ANKS1B: variants seen among roughly 807,000 people sequenced by gnomAD.
ANKS1B encodes ankyrin repeat and sterile alpha motif domain-containing protein 1B.
A neutral mutation model predicts 148.3 loss-of-function variants in ANKS1B; 36 were observed. That is an observed-to-expected ratio of 0.24 (90% CI 0.19 to 0.32). ANKS1B has a LOEUF of 0.32. Ranked by LOEUF, ANKS1B falls within the 10% of genes least tolerant of loss-of-function variation. The pLI, the probability that ANKS1B is intolerant of heterozygous loss-of-function variation, is 1.00. For synonymous variants in ANKS1B, 542 were observed against 560.8 expected (o/e 0.97, Z 0.47); for missense variants, 1,157 against 1,542.6 (o/e 0.75, Z 4.19).
intron 11 of ANKS1B, among the ~76,000 whole-genome samples, chr12:99,424,326 C>T (rs1015384203): frequency 1.5e-4 from 23 of 151,762 alleles, no homozygotes; most frequent in African/African-American, 3.9e-4. Context: ...CAGGCAGAAG[C>T]GTATGTTTTG....
intron 9 of ANKS1B, among the ~76,000 whole-genome samples, chr12:99,575,517 G>A (rs1344141074): frequency 6.6e-6 from 1 of 152,068 alleles, no homozygotes; most frequent in African/African-American, 2.4e-5. Flanking sequence ...CCACATGGCT[G>A]GGGAGGCCTC....
At chr12:99,885,394 G>A (rs1029753573) in intron 1 of ANKS1B, among the ~76,000 whole-genome samples, 5 of 147,240 alleles carry the variant, frequency 3.4e-5, no homozygotes, top group African/African-American at 7.5e-5. Context: ...TCTGCCTCCC[G>A]GGTTCCTGCC....
chr12:99,865,357 G>A (rs1206785881), intron 1 of ANKS1B, among the ~76,000 whole-genome samples: 7 of 152,108 alleles, frequency 4.6e-5, no homozygotes, highest in East Asian at 1.9e-4. Flanking sequence ...CCCTGGACTC[G>A]TAACTGCCCG....
chr12:99,237,209 G>A (rs2088159040), intron 14 of ANKS1B, among the ~76,000 whole-genome samples: 1 of 151,908 alleles, frequency 6.6e-6, no homozygotes, highest in Admixed American at 6.6e-5. Flanking sequence ...TTTTTGTTTG[G>A]GGTGTGTTCC....
chr12:98,897,721 T>C (rs1256488574), intron 17 of ANKS1B, among the ~76,000 whole-genome samples: 2 of 152,224 alleles, frequency 1.3e-5, no homozygotes, highest in East Asian at 3.8e-4. Flanking sequence ...ACTGGGTATC[T>C]ACTCAAAGGA....
chr12:99,422,356 C>T (rs2095114736), intron 11 of ANKS1B, among the ~76,000 whole-genome samples: 1 of 152,162 alleles, frequency 6.6e-6, no homozygotes, highest in African/African-American at 2.4e-5. Context: ...TCAAGCACCT[C>T]ATATTTTAGT....
intron 8 of ANKS1B, among the ~76,000 whole-genome samples, chr12:99,703,753 A>G (rs1306101019): frequency 1.3e-5 from 2 of 152,096 alleles, no homozygotes; most frequent in African/African-American, 2.4e-5. Context: ...ATATCTCATC[A>G]CTATCCTATA....
At chr12:99,310,068 C>G (rs1427772731) in intron 12 of ANKS1B, among the ~76,000 whole-genome samples, 1 of 152,048 alleles carries the variant, frequency 6.6e-6, no homozygotes, top group East Asian at 1.9e-4. Flanking sequence ...CTTTTGGCCA[C>G]AGAAATCTGT....
At chr12:99,183,974 T>C (rs1454916169) in intron 14 of ANKS1B, among the ~76,000 whole-genome samples, 1 of 152,172 alleles carries the variant, frequency 6.6e-6, no homozygotes, top group Non-Finnish European at 1.5e-5. Flanking sequence ...TTCATATAAA[T>C]CAAATATACA....
intron 22 of ANKS1B, among the ~76,000 whole-genome samples, chr12:98,792,769 CA>C (rs1387767216): frequency 6.6e-6 from 1 of 152,192 alleles, no homozygotes; most frequent in African/African-American, 2.4e-5. Context: ...TATGTTGTCA[CA>C]AATAACAGAA....
intron 12 of ANKS1B, among the ~76,000 whole-genome samples, chr12:99,342,526 T>C (rs934044780): frequency 1.3e-5 from 2 of 152,054 alleles, no homozygotes; most frequent in African/African-American, 2.4e-5. Flanking sequence ...CAATCTCTAG[T>C]AGATGGTAGC....
chr12:98,787,367 C>T (rs2098804917), intron 22 of ANKS1B, among the ~76,000 whole-genome samples: 1 of 152,132 alleles, frequency 6.6e-6, no homozygotes, highest in Admixed American at 6.5e-5. Context: ...CCGTGCACTG[C>T]CCTGGGTCTC....
At chr12:99,772,550 A>G (rs1336752507) in intron 8 of ANKS1B, among the ~76,000 whole-genome samples, 1 of 152,082 alleles carries the variant, frequency 6.6e-6, no homozygotes, top group Non-Finnish European at 1.5e-5. Flanking sequence ...CTGCTCTGTT[A>G]GTCTGAGTTC....
chr12:98,977,685 G>C (rs1470161467), intron 17 of ANKS1B, among the ~76,000 whole-genome samples: 3 of 152,132 alleles, frequency 2.0e-5, no homozygotes, highest in Admixed American at 6.5e-5. Context: ...AGAAAAATGA[G>C]ATATCATTCT....
intron 22 of ANKS1B, among the ~76,000 whole-genome samples, chr12:98,785,337 G>C (rs1225767988): frequency 2.0e-5 from 3 of 152,184 alleles, no homozygotes; most frequent in Admixed American, 6.5e-5. Flanking sequence ...AGGCATGGTG[G>C]TGGGTGGCTG....
intron 12 of ANKS1B, among the ~76,000 whole-genome samples, chr12:99,278,152 T>G (rs2077920919): frequency 6.6e-6 from 1 of 152,196 alleles, no homozygotes; most frequent in Admixed American, 6.5e-5. Flanking sequence ...TTTCTCTAGC[T>G]CCCTTCATTT....
intron 9 of ANKS1B, among the ~76,000 whole-genome samples, chr12:99,557,682 TG>T (rs1431962155): frequency 6.6e-6 from 1 of 152,240 alleles, no homozygotes; most frequent in Non-Finnish European, 1.5e-5. Flanking sequence ...CATTTCAGCC[TG>T]GTTAACAACC....
intron 9 of ANKS1B, among the ~76,000 whole-genome samples, chr12:99,605,192 C>T (rs2097842868): frequency 6.6e-6 from 1 of 152,118 alleles, no homozygotes; most frequent in Non-Finnish European, 1.5e-5. Context: ...TTTTCATAAA[C>T]ATTTTTTAAA....
At chr12:98,993,761 G>T (rs751576261) in intron 17 of ANKS1B, among the ~76,000 whole-genome samples, 8 of 152,176 alleles carry the variant, frequency 5.3e-5, no homozygotes, top group Non-Finnish European at 1.0e-4. Context: ...TGATTATTGT[G>T]TAGGATAAAG....
Sources: gnomAD v4.1 joint callset for allele counts (sites outside exome capture counted in the v4.1 genomes callset) on GRCh38, gnomAD v4.1.1 for gene constraint, MANE v1.5 for transcripts, NCBI Gene and HGNC (gene_info 2026-07-23, HGNC 2026-07-21) for gene names.